Variants in PDK1 observed in about 807,000 individuals in gnomAD.
The protein encoded by PDK1 is [Pyruvate dehydrogenase (acetyl-transferring)] kinase isozyme 1, mitochondrial.
A neutral mutation model predicts 54.2 loss-of-function variants in PDK1; 39 were observed. That is an observed-to-expected ratio of 0.72 (90% CI 0.56 to 0.94). The LOEUF (loss-of-function observed/expected upper bound fraction) is 0.94, where lower values mean the gene tolerates loss of function less well. Among genes scored for constraint, PDK1 ranks in the 40% least tolerant of loss-of-function variants. PDK1 has a pLI of 0.00. For synonymous variants in PDK1, 221 were observed against 207.1 expected, an observed-to-expected ratio of 1.07 and a Z score of -0.58; for missense variants, 552 against 566.0, an observed-to-expected ratio of 0.98 and a Z score of 0.25.
the PDK1 span, chr2:172,677,036 G>A: frequency 7.9e-5 from 12 of 152,142 alleles, no homozygotes; most frequent in Non-Finnish European, 1.6e-4. Context: ...ATTAAGATAC[G>A]TATAGTGTTT....
chr2:172,625,014 G>A, the PDK1 span, among the ~76,000 whole-genome samples: 5 of 151,808 alleles, frequency 3.3e-5, no homozygotes, highest in Admixed American at 1.3e-4. Flanking sequence ...GCCAGGGAGC[G>A]GGGGTGACAA....
chr2:172,621,005 C>T, the PDK1 span, among the ~76,000 whole-genome samples: 1 of 152,272 alleles, frequency 6.6e-6, no homozygotes, highest in East Asian at 1.9e-4. Context: ...GTCGGCTGGG[C>T]ACGGTGGCTC....
the PDK1 span, among the ~76,000 whole-genome samples, chr2:172,670,828 G>A: frequency 6.6e-6 from 1 of 152,056 alleles, no homozygotes. Context: ...GTTATAAGAG[G>A]GATTGATAGT....
chr2:172,562,650 T>A, intron 3 of PDK1: 1 of 759,812 alleles, frequency 1.3e-6, no homozygotes, highest in Non-Finnish European at 2.3e-6. Context: ...GTTTTCTGAT[T>A]TTAAAGGAAA....
chr2:172,576,504 T>C (rs780811461), intron 8 of PDK1, among the ~76,000 whole-genome samples: 2 of 151,900 alleles, frequency 1.3e-5, no homozygotes, highest in Non-Finnish European at 2.9e-5. Context: ...AATTACACTC[T>C]AGGCTTTATT....
At chr2:172,632,672 A>G in the PDK1 span, among the ~76,000 whole-genome samples, 1 of 152,066 alleles carries the variant, frequency 6.6e-6, no homozygotes, top group Non-Finnish European at 1.5e-5. Context: ...TACACAAAAT[A>G]ATGATGCATT....
the PDK1 span, among the ~76,000 whole-genome samples, chr2:172,710,973 G>A: frequency 6.6e-6 from 1 of 152,148 alleles, no homozygotes; most frequent in African/African-American, 2.4e-5. Context: ...GCCTATTATT[G>A]GAAAGCACAT....
chr2:172,638,669 T>C, the PDK1 span, among the ~76,000 whole-genome samples: 284 of 141,640 alleles, frequency 2.0e-3, no homozygotes, highest in Admixed American at 6.5e-3. Flanking sequence ...GGATTGTAAA[T>C]GCACCAATCA....
chr2:172,720,118 T>TCTC, the PDK1 span, among the ~76,000 whole-genome samples: 2 of 135,324 alleles, frequency 1.5e-5, no homozygotes, highest in African/African-American at 6.3e-5. Context: ...CTCTCTCTCT[T>TCTC]TTTTTTTTTT....
the PDK1 span, among the ~76,000 whole-genome samples, chr2:172,646,557 G>A: frequency 2.0e-5 from 3 of 151,914 alleles, no homozygotes; most frequent in African/African-American, 7.3e-5. Flanking sequence ...GTTTAGACTG[G>A]AGGGATGAAT....
chr2:172,622,710 TATG>T, the PDK1 span, among the ~76,000 whole-genome samples: 1 of 122,328 alleles, frequency 8.2e-6, no homozygotes, highest in African/African-American at 2.8e-5. Context: ...TCTCATATAT[TATG>T]TGAGATATGT....
the PDK1 span, among the ~76,000 whole-genome samples, chr2:172,676,126 T>C: frequency 0.056 from 8,543 of 152,180 alleles, 996 homozygotes; most frequent in East Asian, 0.53. Context: ...TTACTACTGA[T>C]TGACAGTGCA....
chr2:172,590,435 C>T (rs796367435), intron 9 of PDK1, among the ~76,000 whole-genome samples: 4 of 152,072 alleles, frequency 2.6e-5, no homozygotes, highest in East Asian at 1.9e-4. Flanking sequence ...TTTCTTTCTT[C>T]GGTGGGTTTG....
the PDK1 span, among the ~76,000 whole-genome samples, chr2:172,701,138 G>GACA: frequency 1.3e-5 from 2 of 152,082 alleles, no homozygotes; most frequent in Non-Finnish European, 2.9e-5. Flanking sequence ...CATGGCTTAT[G>GACA]ACAACAACAA....
the PDK1 span, among the ~76,000 whole-genome samples, chr2:172,645,787 T>C: frequency 6.6e-6 from 1 of 152,228 alleles, no homozygotes; most frequent in Non-Finnish European, 1.5e-5. Context: ...TATTCATCTT[T>C]ATTTCCCCTA....
At chr2:172,576,949 A>G (rs573265776) in intron 8 of PDK1, among the ~76,000 whole-genome samples, 1 of 152,304 alleles carries the variant, frequency 6.6e-6, no homozygotes, top group African/African-American at 2.4e-5. Context: ...AATGTTCTAC[A>G]GATAGCTATT....
chr2:172,557,219 A>T (rs903550914), intron 1 of PDK1, among the ~76,000 whole-genome samples: 1 of 152,218 alleles, frequency 6.6e-6, no homozygotes, highest in East Asian at 1.9e-4. Context: ...AAATGACCCT[A>T]GTTCGAGGAA....
chr2:172,569,059 G>A (rs1558934206), intron 7 of PDK1, among the ~76,000 whole-genome samples: 1 of 152,176 alleles, frequency 6.6e-6, no homozygotes, highest in African/African-American at 2.4e-5. Flanking sequence ...CTTAATATGT[G>A]TGTGACCTTG....
chr2:172,655,979 A>T, the PDK1 span, among the ~76,000 whole-genome samples: 1 of 152,206 alleles, frequency 6.6e-6, no homozygotes, highest in South Asian at 2.1e-4. Context: ...CACTTTAAAC[A>T]TGAGAGATAT....
Sources: gnomAD v4.1 joint callset for allele counts (sites outside exome capture counted in the v4.1 genomes callset) on GRCh38, gnomAD v4.1.1 for gene constraint, MANE v1.5 for transcripts, NCBI Gene and HGNC (gene_info 2026-07-23, HGNC 2026-07-21) for gene names.